Variants in MALRD1 observed in about 807,000 individuals in gnomAD.
The protein encoded by MALRD1 is MAM and LDL receptor class A domain containing 1, also known as MAM and LDL-receptor class A domain-containing protein 1.
Under a neutral mutation model 242.1 loss-of-function variants are expected in MALRD1, and 247 were observed. The observed-to-expected ratio is 1.02, with a 90% CI of 0.92 to 1.13. MALRD1 has a LOEUF of 1.13. Among genes scored for constraint, MALRD1 ranks in the 50% most tolerant of loss-of-function variants. MALRD1 has a pLI of 0.00. For synonymous variants in MALRD1, 995 were observed against 866.6 expected, an observed-to-expected ratio of 1.15 and a Z score of -2.60; for missense variants, 2,989 against 2,533.1, an observed-to-expected ratio of 1.18 and a Z score of -3.86.
At chr10:19,401,367 G>A (rs1449324900) in intron 28 of MALRD1, among the ~76,000 whole-genome samples, 1 of 152,086 alleles carries the variant, frequency 6.6e-6, no homozygotes, top group Admixed American at 6.6e-5. Flanking sequence ...CTAACATAAT[G>A]TATTTAAATT....
At chr10:19,160,275 C>T (rs1007028243) in intron 12 of MALRD1, among the ~76,000 whole-genome samples, 3 of 147,992 alleles carry the variant, frequency 2.0e-5, no homozygotes, top group East Asian at 4.0e-4. Flanking sequence ...TATTGATTTG[C>T]GTATATTGAA....
chr10:19,420,940 G>C (rs1418666692), intron 28 of MALRD1, among the ~76,000 whole-genome samples: 1 of 152,138 alleles, frequency 6.6e-6, no homozygotes, highest in African/African-American at 2.4e-5. Context: ...CTTTTGAGTT[G>C]CCATTCATTT....
intron 36 of MALRD1, among the ~76,000 whole-genome samples, chr10:19,684,288 CATT>C (rs1842487917): frequency 6.6e-6 from 1 of 152,156 alleles, no homozygotes; most frequent in South Asian, 2.1e-4. Flanking sequence ...GACTTTGTAA[CATT>C]ATCATATTAT....
intron 29 of MALRD1, among the ~76,000 whole-genome samples, chr10:19,468,673 T>A (rs1836346867): frequency 6.6e-6 from 1 of 151,908 alleles, no homozygotes; most frequent in South Asian, 2.1e-4. Context: ...GAACACAGCC[T>A]CTGTGAGGTT....
At chr10:19,218,291 A>G (rs1374852089) in intron 18 of MALRD1, among the ~76,000 whole-genome samples, 1 of 152,098 alleles carries the variant, frequency 6.6e-6, no homozygotes, top group East Asian at 1.9e-4. Context: ...TATTACTTTG[A>G]TTTACATTCC....
chr10:19,326,702 T>A (rs927084334), intron 22 of MALRD1, among the ~76,000 whole-genome samples: 3 of 152,098 alleles, frequency 2.0e-5, no homozygotes, highest in African/African-American at 7.2e-5. Context: ...AATTATATTT[T>A]AAAAATGTGA....
At chr10:19,660,248 T>TC (rs1841365060) in intron 36 of MALRD1, among the ~76,000 whole-genome samples, 1 of 152,170 alleles carries the variant, frequency 6.6e-6, no homozygotes. Context: ...GAGAAATTTC[T>TC]CCCAGACAAT....
At chr10:19,341,625 G>A (rs1244494988) in intron 24 of MALRD1, among the ~76,000 whole-genome samples, 1 of 150,930 alleles carries the variant, frequency 6.6e-6, no homozygotes, top group Non-Finnish European at 1.5e-5. Flanking sequence ...TAGTGTTCCA[G>A]CAAAAAGTAA....
At chr10:19,447,558 C>T (rs759909424) in intron 28 of MALRD1, among the ~76,000 whole-genome samples, 3 of 151,994 alleles carry the variant, frequency 2.0e-5, no homozygotes, top group East Asian at 1.9e-4. Context: ...TTAGCGTGAT[C>T]GTATGCTCTT....
chr10:19,653,479 C>A (rs776909353), intron 36 of MALRD1, among the ~76,000 whole-genome samples: 1 of 152,064 alleles, frequency 6.6e-6, no homozygotes, highest in African/African-American at 2.4e-5. Flanking sequence ...TTTTTGTTTC[C>A]TCAGATCTAA....
intron 2 of MALRD1, among the ~76,000 whole-genome samples, chr10:19,071,231 T>A (rs1835137258): frequency 1.3e-5 from 2 of 151,960 alleles, no homozygotes. Flanking sequence ...CTAGAAGGGC[T>A]CCCTACACAT....
chr10:19,659,444 A>G (rs1486429512), intron 36 of MALRD1, among the ~76,000 whole-genome samples: 3 of 152,272 alleles, frequency 2.0e-5, no homozygotes, highest in South Asian at 4.1e-4. Flanking sequence ...GTTACTCCTC[A>G]TCAATCAACT....
At chr10:19,643,454 A>T (rs1840495177) in intron 36 of MALRD1, among the ~76,000 whole-genome samples, 1 of 152,166 alleles carries the variant, frequency 6.6e-6, no homozygotes, top group Non-Finnish European at 1.5e-5. Context: ...CTCAAAAAAA[A>T]ATGTTTAAGC....
At chr10:19,462,322 A>G (rs1015898305) in intron 29 of MALRD1, among the ~76,000 whole-genome samples, 1 of 152,214 alleles carries the variant, frequency 6.6e-6, no homozygotes, top group Non-Finnish European at 1.5e-5. Context: ...ACCAGAGACT[A>G]GGAAGAGCCA....
chr10:19,222,307 T>G (rs1837592897), intron 18 of MALRD1, among the ~76,000 whole-genome samples: 1 of 152,142 alleles, frequency 6.6e-6, no homozygotes, highest in African/African-American at 2.4e-5. Flanking sequence ...ACATAGACTT[T>G]GTGTCTGGGG....
intron 31 of MALRD1, among the ~76,000 whole-genome samples, chr10:19,528,757 G>A (rs548396695): frequency 1.3e-5 from 2 of 152,132 alleles, no homozygotes; most frequent in Admixed American, 1.3e-4. Flanking sequence ...GAGCTTGGAA[G>A]GCATCATTCC....
intron 11 of MALRD1, among the ~76,000 whole-genome samples, chr10:19,152,551 T>C (rs1195844251): frequency 2.6e-5 from 4 of 152,168 alleles, no homozygotes; most frequent in African/African-American, 4.8e-5. Context: ...GTCCCTTTTC[T>C]GTTAAATTTA....
chr10:19,126,644 A>G (rs1356951926), intron 7 of MALRD1, among the ~76,000 whole-genome samples: 1 of 152,026 alleles, frequency 6.6e-6, no homozygotes, highest in African/African-American at 2.4e-5. Flanking sequence ...CAATTTATAA[A>G]TGTAATTCGT....
intron 29 of MALRD1, among the ~76,000 whole-genome samples, chr10:19,490,561 G>GGCTGAGGT (rs1837446122): frequency 6.7e-6 from 1 of 148,286 alleles, no homozygotes; most frequent in South Asian, 2.3e-4. Flanking sequence ...GGTGAAGGGA[G>GGCTGAGGT]GCTGAGGTGG....
Sources: gnomAD v4.1 joint callset for allele counts (sites outside exome capture counted in the v4.1 genomes callset) on GRCh38, gnomAD v4.1.1 for gene constraint, MANE v1.5 for transcripts, NCBI Gene and HGNC (gene_info 2026-07-23, HGNC 2026-07-21) for gene names.